The following ARHGAP42 variants were observed in gnomAD, a reference collection of about 807,000 sequenced individuals.
ARHGAP42 encodes the protein Rho GTPase activating protein 42.
In ARHGAP42, 63 loss-of-function variants were observed where a neutral mutation model predicts 125.0. The observed-to-expected ratio is 0.50, with a 90% CI of 0.41 to 0.62. The LOEUF (loss-of-function observed/expected upper bound fraction) is 0.62. Among genes scored for constraint, ARHGAP42 ranks in the 20% least tolerant of loss-of-function variants. The pLI, the probability that ARHGAP42 is intolerant of heterozygous loss-of-function variation, is 0.00. For synonymous variants in ARHGAP42, 339 were observed against 351.0 expected, an observed-to-expected ratio of 0.97 and a Z score of 0.38; for missense variants, 766 against 1,024.2, an observed-to-expected ratio of 0.75 and a Z score of 3.44.
chr11:100,982,941 C>CA (rs1012662636), intron 22 of ARHGAP42, among the ~76,000 whole-genome samples: 4 of 151,942 alleles, frequency 2.6e-5, no homozygotes, highest in East Asian at 1.9e-4. Context: ...CACCCATAAG[C>CA]AAAAAAATTT....
intron 12 of ARHGAP42, among the ~76,000 whole-genome samples, chr11:100,957,207 T>A (rs1363318079): frequency 6.6e-6 from 1 of 152,150 alleles, no homozygotes; most frequent in East Asian, 1.9e-4. Flanking sequence ...GAAGAGTAAC[T>A]ACTGCCCCTC....
intron 12 of ARHGAP42, among the ~76,000 whole-genome samples, chr11:100,958,192 A>AT (rs1857855442): frequency 6.6e-6 from 1 of 152,024 alleles, no homozygotes; most frequent in African/African-American, 2.4e-5. Context: ...CCTGTCTCCT[A>AT]TATTCAAAAA....
chr11:100,702,397 G>A (rs1277171205), intron 1 of ARHGAP42, among the ~76,000 whole-genome samples: 5 of 152,106 alleles, frequency 3.3e-5, no homozygotes, highest in African/African-American at 9.6e-5. Context: ...CAGTGGTAAC[G>A]TCAAAGAGCA....
intron 1 of ARHGAP42, among the ~76,000 whole-genome samples, chr11:100,715,048 CAAAAAAAA>C (rs36017086): frequency 6.5e-5 from 4 of 61,892 alleles, no homozygotes; most frequent in South Asian, 7.4e-4. Flanking sequence ...AACCCTATCT[CAAAAAAAA>C]AAAAAAAAAA....
Position 100,965,678 on chromosome 11 carries a change from T to C in ARHGAP42, c.1452T>C (p.Asp484=). 6.5e-7 allele frequency: 1 copy of C among 1,550,256 alleles called. No individual in the cohort carries two copies. Among genetic ancestry groups the C allele is most frequent in the South Asian group, 1.2e-5 (1 of 83,978 alleles). Residue 484 remains aspartate (D), a synonymous_variant, in exon 17 of 24, where the codon GAT becomes GAC. Transcript: ENST00000298815. ...HKDFIIAVKS[D]DQNYRVEAVH... ...ATCTTTTTTATGTAACAGAATCTGATGATCAAAACTACAGGGTGGAGGCTG... is the reference window on the plus strand; with the variant it reads ...ATCTTTTTTATGTAACAGAATCTGACGATCAAAACTACAGGGTGGAGGCTG...
intron 4 of ARHGAP42, among the ~76,000 whole-genome samples, chr11:100,909,650 A>C (rs935034057): frequency 6.6e-6 from 1 of 152,060 alleles, no homozygotes; most frequent in African/African-American, 2.4e-5. Context: ...GGATTTTTAT[A>C]GTTTCAGATC....
chr11:100,737,093 G>A (rs1862083992), intron 1 of ARHGAP42, among the ~76,000 whole-genome samples: 1 of 152,152 alleles, frequency 6.6e-6, no homozygotes. Context: ...AGAGACATAA[G>A]GAAATATAAT....
chr11:100,899,554 A>G (rs1866468940), intron 4 of ARHGAP42, among the ~76,000 whole-genome samples: 1 of 152,124 alleles, frequency 6.6e-6, no homozygotes, highest in South Asian at 2.1e-4. Flanking sequence ...TATTTAGGAT[A>G]GTTAACTCTT....
In ARHGAP42 at chr11:100,976,069, G is replaced by A. The variant is rs1858381439; in HGVS notation, c.1868G>A (p.Ser623Asn). ...TCCTACTCCTTAGGTGACTCCTATA[G>A]CAGCAGCCCAGACAGCACACCTATG... ...CLAEPDSDSY[S>N]SSPDSTPMGS... Residue 623 changes from serine (S) to asparagine (N), a missense_variant, in exon 20 of 24, where the codon AGC (serine) becomes AAC (asparagine). By Grantham distance (46) the Ser-to-Asn change is conservative (BLOSUM62 1). Around this residue, in one of 3 missense-constraint regions of ARHGAP42, gnomAD observed 308 missense variants for 369.7 expected, o/e 0.83. Coordinates refer to ENST00000298815, the MANE Select transcript of ARHGAP42 (RefSeq NM_152432.4). 6.5e-7 allele frequency: 1 copy of A among 1,527,416 alleles called. No individual in the cohort carries two copies. Among genetic ancestry groups the A allele is most frequent in the Non-Finnish European group, 8.8e-7 (1 of 1,135,560 alleles). 94.6% of individuals were successfully genotyped at this position (1,527,416 alleles called of 1,614,324 possible).
intron 7 of ARHGAP42, among the ~76,000 whole-genome samples, chr11:100,935,150 A>G (rs1867698844): frequency 6.6e-6 from 1 of 151,816 alleles, no homozygotes; most frequent in African/African-American, 2.4e-5. Flanking sequence ...TTTTTTTTAA[A>G]ATGGGGAATA....
chr11:100,987,494 A>G lies in ARHGAP42; in HGVS notation c.2457-19A>G, dbSNP rs767773284. Reference sequence around the variant, plus strand: ...TAGGTTGAGTGTTGAGGTTTTGACAAGTTGTCTTGCTCTTTCAGCCAAGCC... The same window carrying G: ...TAGGTTGAGTGTTGAGGTTTTGACAGGTTGTCTTGCTCTTTCAGCCAAGCC... On this transcript the variant is annotated intron_variant, in intron 22 of 23. Transcript: ENST00000298815. 6.5e-7 allele frequency: 1 copy of G among 1,549,070 alleles called. No homozygotes were observed. Among genetic ancestry groups the G allele is most frequent in the South Asian group, 1.2e-5 (1 of 83,990 alleles).
At chr11:100,829,990 G>A (rs1367047395) in intron 3 of ARHGAP42, among the ~76,000 whole-genome samples, 1 of 152,194 alleles carries the variant, frequency 6.6e-6, no homozygotes, top group Non-Finnish European at 1.5e-5. Context: ...TTCTCCAAAG[G>A]TGTGTTTGTA....
intron 3 of ARHGAP42, among the ~76,000 whole-genome samples, chr11:100,858,832 A>G (rs1369515890): frequency 1.3e-5 from 2 of 152,088 alleles, no homozygotes; most frequent in Non-Finnish European, 2.9e-5. Context: ...TTTTTAAATC[A>G]ACATTCCCCT....
chr11:100,802,085 G>T (rs1024848637), intron 3 of ARHGAP42, among the ~76,000 whole-genome samples: 7 of 152,150 alleles, frequency 4.6e-5, no homozygotes, highest in Non-Finnish European at 1.0e-4. Flanking sequence ...ACAGAGAGGG[G>T]CTTCTAAACC....
At chr11:100,886,653 G>T (rs1433524512) in intron 4 of ARHGAP42, among the ~76,000 whole-genome samples, 1 of 152,082 alleles carries the variant, frequency 6.6e-6, no homozygotes, top group East Asian at 1.9e-4. Context: ...ACATATTATT[G>T]CAATAATTGA....
At chr11:100,858,829 A>G (rs1865382135) in intron 3 of ARHGAP42, among the ~76,000 whole-genome samples, 1 of 152,072 alleles carries the variant, frequency 6.6e-6, no homozygotes. Context: ...TGTTTTTTAA[A>G]TCAACATTCC....
At chr11:100,810,208 AT>A (rs1864103321) in intron 3 of ARHGAP42, among the ~76,000 whole-genome samples, 3 of 152,198 alleles carry the variant, frequency 2.0e-5, no homozygotes, top group African/African-American at 2.4e-5. Flanking sequence ...TTAAAAAAAA[AT>A]ATAAAGATAG....
intron 21 of ARHGAP42, among the ~76,000 whole-genome samples, chr11:100,977,462 CA>C (rs1276084684): frequency 2.6e-5 from 4 of 152,028 alleles, no homozygotes; most frequent in Admixed American, 2.6e-4. Flanking sequence ...ATATGCAAGG[CA>C]AAAGTGGGTA....
chr11:100,798,598 A>G (rs1863777487), intron 3 of ARHGAP42, among the ~76,000 whole-genome samples: 1 of 152,266 alleles, frequency 6.6e-6, no homozygotes, highest in African/African-American at 2.4e-5. Context: ...ACAATATTAC[A>G]TAAATATAAC....
Sources: gnomAD v4.1 joint callset for allele counts (sites outside exome capture counted in the v4.1 genomes callset) on GRCh38, gnomAD v4.1.1 for gene constraint, gnomAD v4.1.1 regional missense constraint, MANE v1.5 for transcripts, NCBI Gene and HGNC (gene_info 2026-07-23, HGNC 2026-07-21) for gene names.